The following FAM151A variants were observed in gnomAD, a reference collection of about 807,000 sequenced individuals.
FAM151A encodes the protein family with sequence similarity 151 member A.
FAM151A carries 41 observed loss-of-function variants against 40.4 expected under a neutral mutation model. The observed-to-expected ratio is 1.01, with a 90% CI of 0.79 to 1.32. The LOEUF is 1.32. Ranked by LOEUF, FAM151A falls within the 40% of genes most tolerant of loss-of-function variation. The probability of loss-of-function intolerance (pLI) is 0.00; values close to 1 mark genes in which losing one functional copy is unlikely to be tolerated. For synonymous variants in FAM151A, 337 were observed against 312.5 expected, an observed-to-expected ratio of 1.08 and a Z score of -0.83; for missense variants, 740 against 740.4, an observed-to-expected ratio of 1.00 and a Z score of 0.01.
chr1:54,609,260 CT>C lies in FAM151A; in HGVS notation c.*7del. 6.2e-7 allele frequency: 1 copy of C among 1,600,424 alleles called. No individual in the cohort carries two copies. Among genetic ancestry groups the C allele is most frequent in the Non-Finnish European group, 8.5e-7 (1 of 1,171,230 alleles). On this transcript the variant is annotated 3_prime_UTR_variant, in exon 8 of 8. Transcript: ENST00000302250. The stretch of plus-strand genomic sequence containing the variant: ...CCTGAGGTCCGCTGGCCCACCACCC[CT>C]GGGTGCTCAGTTTCTACCAACATGA...
chr1:54,623,508 C>G lies in FAM151A; in HGVS notation c.-113G>C, dbSNP rs1255182275. The G allele has an allele frequency of 3.8e-6, 3 of 783,872 alleles. No individual in the cohort carries two copies. The highest frequency in any genetic ancestry group is 2.2e-6 in the Non-Finnish European group (1 of 454,538). The allele number at this position is 783,872 out of a possible 1,614,324, so 48.6% of individuals were successfully genotyped here. On this transcript the variant is annotated 5_prime_UTR_variant, in exon 1 of 8. Transcript: ENST00000302250. ...GCTCCCAGCAGCACCTAATTCTCCA[C>G]CGGGCCTGGTCTGCTCTGCAGCCCT...
Position 54,609,623 on chromosome 1 carries a change from G to A in FAM151A, c.1403C>T (p.Ala468Val). 3 of 1,613,668 alleles carry A rather than the reference G, an allele frequency of 1.9e-6. No individual in the cohort carries two copies. Among genetic ancestry groups the A allele is most frequent in the Non-Finnish European group, 2.5e-6 (3 of 1,180,034 alleles). ...VAGRELLTAV[A>V]EVFPHVTVAP... is the part of the protein sequence containing the mutation. ...CACAGTCACGTGGGGGAAGACCTCA[G>A]CCACAGCTGTAAGCAGCTCTCTGCC... The change falls in exon 8 of 8, where the codon GCT (alanine) becomes GTT (valine). Residue 468 changes from alanine to valine, a missense_variant. Ala to Val is a moderately conservative substitution (Grantham distance 64). Coordinates refer to ENST00000302250, the MANE Select transcript of FAM151A (RefSeq NM_176782.3).
chr1:54,614,585 G>A (rs1179798541), intron 4 of FAM151A, 115 bp downstream of exon 4: 1 of 1,072,164 alleles, frequency 9.3e-7, no homozygotes, highest in East Asian at 2.6e-5. Flanking sequence ...TCAGAGGTGA[G>A]GCTATATATA....
At chr1:54,620,046 G>T (rs560177811) in intron 1 of FAM151A, 39 bp from the exon 2 acceptor site, 1 of 1,603,154 alleles carries the variant, frequency 6.2e-7, no homozygotes, top group Non-Finnish European at 8.5e-7. Flanking sequence ...GTCTGTCCTC[G>T]CCCCAGCCCA....
In FAM151A at chr1:54,609,864, G is replaced by C; in HGVS notation, c.1162C>G (p.Pro388Ala). Residue 388 changes from proline (P) to alanine (A), a missense_variant, in exon 8 of 8, where the codon CCA (proline) becomes GCA (alanine). By Grantham distance (27) the Pro-to-Ala change is conservative. Coordinates refer to ENST00000302250, the MANE Select transcript of FAM151A (RefSeq NM_176782.3). ...AENPVPIVHT[P>A]SGNILTLESC... ...TCCAGCGTCAGGATGTTGCCACTTG[G>C]AGTATGAACAATGGGCACGGGGTTT... 6.2e-7 allele frequency: 1 copy of C among 1,613,950 alleles called. No individual in the cohort carries two copies. The highest frequency in any genetic ancestry group is 1.7e-5 in the Admixed American group (1 of 60,028).
At chr1:54,614,208 T>C (rs929320433) in intron 4 of FAM151A, among the ~76,000 whole-genome samples, 3 of 152,134 alleles carry the variant, frequency 2.0e-5, no homozygotes, top group African/African-American at 4.8e-5. Flanking sequence ...AACTACTGTA[T>C]GTGAGGGCTG....
intron 4 of FAM151A, 122 bp downstream of exon 4, chr1:54,614,578 G>A: frequency 1.0e-6 from 1 of 985,450 alleles, no homozygotes; most frequent in South Asian, 1.9e-5. Flanking sequence ...CAAAGGCTCA[G>A]AGGTGAGGCT....
In FAM151A at chr1:54,609,642, C is replaced by T; in HGVS notation, c.1384G>A (p.Glu462Lys). The part of the protein sequence containing the change: ...FSVPGHVAGR[E>K]LLTAVAEVFP... ...ACCTCAGCCACAGCTGTAAGCAGCT[C>T]TCTGCCAGCCACATGGCCGGGGACC... The change falls in exon 8 of 8, where the codon GAG (glutamate) becomes AAG (lysine). Residue 462 changes from glutamate to lysine, a missense_variant. Physicochemically the swap from Glu to Lys is moderately conservative, Grantham distance 56. Transcript: ENST00000302250. The T allele has an allele frequency of 6.2e-7, 1 of 1,613,926 alleles. No homozygotes were observed. The highest frequency in any genetic ancestry group is 8.5e-7 in the Non-Finnish European group (1 of 1,180,052).
intron 1 of FAM151A, 57 bp downstream of exon 1, chr1:54,623,221 G>T (rs1644248181): frequency 1.7e-6 from 2 of 1,146,314 alleles, no homozygotes; most frequent in Admixed American, 1.7e-5. Flanking sequence ...GAGAAGTGGG[G>T]ATAAGGAGCG....
Position 54,617,707 on chromosome 1 carries a change from A to G in FAM151A, c.263-1535T>C, listed in dbSNP as rs536969601. 1.8e-4 allele frequency among the ~76,000 whole-genome samples: 15 copies of G among 84,284 alleles called. No individual in the cohort carries two copies. The East Asian group carries it at 4.8e-3, about 27-fold the overall frequency. The allele number at this position is 84,284 out of a possible 152,430, so 55.3% of individuals were successfully genotyped here. A position where few individuals can be genotyped will look rare whatever the true frequency, so the allele number is the denominator to read the frequency against. On this transcript the variant is annotated intron_variant, in intron 2 of 7. Coordinates refer to ENST00000302250, the MANE Select transcript of FAM151A (RefSeq NM_176782.3). ...ATCACTAGGTCTGCAGCAGGGCCTG[A>G]GATTTTTTTTTTTTTTTTTTTTTTT...
chr1:54,609,219 C>G lies in FAM151A; in HGVS notation c.*49G>C, dbSNP rs368761147. 1 of 1,589,794 alleles carries G rather than the reference C, an allele frequency of 6.3e-7. No homozygotes were observed. The highest frequency in any genetic ancestry group is 8.6e-7 in the Non-Finnish European group (1 of 1,166,644). ...AGACCTTTATTTCTTCCTGCCTCCC[C>G]GTGGGAAGCCTCCGCCCTGAGGTCC... is the stretch of plus-strand genomic sequence containing the variant. On this transcript the variant is annotated 3_prime_UTR_variant, in exon 8 of 8. Coordinates refer to ENST00000302250, the MANE Select transcript of FAM151A (RefSeq NM_176782.3).
Position 54,609,915 on chromosome 1 carries a change from T to A in FAM151A, c.1111A>T (p.Thr371Ser), listed in dbSNP as rs2101012453. 1 of 1,608,370 alleles carries A rather than the reference T, an allele frequency of 6.2e-7. No individual in the cohort carries two copies. The highest frequency in any genetic ancestry group is 1.3e-5 in the African/African-American group (1 of 75,054). ...TCAGCCACAGTTCCCTCGAGGCCAGTGTTCAGCAGGATCATGCCTTCTGTG... is the reference window on the plus strand; with the variant it reads ...TCAGCCACAGTTCCCTCGAGGCCAGAGTTCAGCAGGATCATGCCTTCTGTG... ...PDTEGMILLN[T>S]GLEGTVAENP... Residue 371 changes from threonine to serine, a missense_variant, in exon 8 of 8, where the codon ACT becomes TCT. Coordinates refer to ENST00000302250, the MANE Select transcript of FAM151A (RefSeq NM_176782.3).
At chr1:54,622,038 C>T (rs1186467520) in intron 1 of FAM151A, among the ~76,000 whole-genome samples, 2 of 152,038 alleles carry the variant, frequency 1.3e-5, no homozygotes, top group Non-Finnish European at 2.9e-5. Flanking sequence ...CTTTGGGAGG[C>T]CAAGGTGGGC....
At position 54,611,672 on chromosome 1, in the gene FAM151A, T is replaced by C. The variant is rs946785695; in HGVS notation, c.874A>G (p.Thr292Ala). The C allele has an allele frequency of 1.9e-6, 3 of 1,613,884 alleles. No individual in the cohort carries two copies. Among genetic ancestry groups the C allele is most frequent in the African/African-American group, 2.7e-5 (2 of 74,872 alleles). ...VEDLLYVRDN[T>A]AVHQVYYDIF... ...TCATAGTAGACTTGGTGGACAGCAGTGTTATCCCGGACGTAGAGCAGATCT... is the reference window on the plus strand; with the variant it reads ...TCATAGTAGACTTGGTGGACAGCAGCGTTATCCCGGACGTAGAGCAGATCT... The change falls in exon 6 of 8, where the codon ACT becomes GCT. Residue 292 changes from threonine (T) to alanine (A), a missense_variant. Coordinates refer to ENST00000302250, the MANE Select transcript of FAM151A (RefSeq NM_176782.3).
Position 54,609,491 on chromosome 1 carries a change from A to C in FAM151A, c.1535T>G (p.Met512Arg). ...GCTGTGGCCCAGCAGCATGGCCTGCATCTGGAAGGACACAGGTTGCCAGAG... is the reference window on the plus strand; with the variant it reads ...GCTGTGGCCCAGCAGCATGGCCTGCCTCTGGAAGGACACAGGTTGCCAGAG... ...QGLWQPVSFQMQAMLLGHSTA... is the reference protein window; with the variant it reads ...QGLWQPVSFQRQAMLLGHSTA... The change falls in exon 8 of 8, where the codon ATG becomes AGG. Residue 512 changes from methionine to arginine, a missense_variant. Coordinates refer to ENST00000302250, the MANE Select transcript of FAM151A (RefSeq NM_176782.3). The C allele has an allele frequency of 2.5e-6, 4 of 1,613,384 alleles. No individual in the cohort carries two copies. The highest frequency in any genetic ancestry group is 3.4e-6 in the Non-Finnish European group (4 of 1,180,052).
At chr1:54,619,736 C>G in intron 2 of FAM151A, 128 bp downstream of exon 2, 1 of 956,646 alleles carries the variant, frequency 1.0e-6, no homozygotes, top group Non-Finnish European at 1.6e-6. Context: ...GCCCCTATTT[C>G]CTCATGCTGA....
Position 54,609,425 on chromosome 1 carries a change from C to CA in FAM151A, c.1600_1601insT (p.Arg534LeufsTer26), listed in dbSNP as rs781648110. On this transcript the variant is annotated frameshift_variant, in exon 8 of 8. Coordinates refer to ENST00000302250, the MANE Select transcript of FAM151A (RefSeq NM_176782.3). LOFTEE classifies it low-confidence loss of function (END_TRUNC). The stretch of plus-strand genomic sequence containing the variant: ...GTTGTGCTCCACTGTGACGGTGGCC[C>CA]GGGGGGAGGATGCCAGCAGCCTGCC... 21 of 1,613,648 alleles carry CA rather than the reference C, an allele frequency of 1.3e-5. No individual in the cohort carries two copies. The highest frequency in any genetic ancestry group is 1.7e-5 in the Non-Finnish European group (20 of 1,180,030).
intron 2 of FAM151A, among the ~76,000 whole-genome samples, chr1:54,618,155 T>G (rs1400233097): frequency 1.3e-5 from 2 of 152,144 alleles, no homozygotes; most frequent in Non-Finnish European, 2.9e-5. Context: ...GGCAACACTC[T>G]TCTCTCAACT....
chr1:54,610,432 G>A lies in FAM151A; in HGVS notation c.1064C>T (p.Thr355Ile), dbSNP rs1238957072. The A allele has an allele frequency of 1.9e-6, 3 of 1,613,484 alleles. No individual in the cohort carries two copies. The African/African-American group carries it at 4.0e-5, about 22-fold the overall frequency. The change falls in exon 7 of 8, where the codon ACA (threonine) becomes ATA (isoleucine). Residue 355 changes from threonine to isoleucine, a missense_variant. Transcript: ENST00000302250. ...CTTACCTGGGAGGGTCATTGTTGCTGTTTTACCGCTGCCCTGGACGTCAGG... is the reference window on the plus strand; with the variant it reads ...CTTACCTGGGAGGGTCATTGTTGCTATTTTACCGCTGCCCTGGACGTCAGG... ...LVPDVQGSGK[T>I]ATMTLPDTEG...
Sources: gnomAD v4.1 joint callset for allele counts (sites outside exome capture counted in the v4.1 genomes callset) on GRCh38, gnomAD v4.1.1 for gene constraint, MANE v1.5 for transcripts, NCBI Gene and HGNC (gene_info 2026-07-23, HGNC 2026-07-21) for gene names.